IGSF9B: variants seen among roughly 807,000 people sequenced by gnomAD.
IGSF9B encodes immunoglobulin superfamily member 9B.
In IGSF9B, 48 loss-of-function variants were observed where a neutral mutation model predicts 143.7. The ratio of observed to expected loss-of-function variants is 0.33; its 90% CI spans 0.26 to 0.42. IGSF9B has a LOEUF of 0.42. Among genes scored for constraint, IGSF9B ranks in the 20% least tolerant of loss-of-function variants. IGSF9B has a pLI of 1.00. For missense variants in IGSF9B, 1,706 were observed against 1,980.0 expected, an observed-to-expected ratio of 0.86 and a Z score of 2.63; for synonymous variants, 903 against 833.1, an observed-to-expected ratio of 1.08 and a Z score of -1.44.
intron 3 of IGSF9B, among the ~76,000 whole-genome samples, chr11:133,940,634 G>T (rs1283134983): frequency 8.3e-6 from 1 of 120,942 alleles, no homozygotes; most frequent in Non-Finnish European, 1.6e-5. Flanking sequence ...GCACGTCCTC[G>T]CACGCGTCAT....
rs988572845 is a variant in IGSF9B, at chr11:133,907,610, C to G, written c.*1459G>C. Among the ~76,000 whole-genome samples the G allele has an allele frequency of 6.6e-6, 1 of 152,242 alleles. No homozygotes were observed. Among genetic ancestry groups the G allele is most frequent in the African/African-American group, 2.4e-5 (1 of 41,474 alleles). ...CTTGGGCAGCACCATATCTTACCGG[C>G]AGAGAGACATCTTAGTGGGAAGATG... On this transcript the variant is annotated 3_prime_UTR_variant, in exon 20 of 20. Transcript: ENST00000533871.
chr11:133,937,484 C>G lies in IGSF9B; in HGVS notation c.571G>C (p.Gly191Arg), dbSNP rs780960492. The change falls in exon 5 of 20, where the codon GGC becomes CGC. Residue 191 changes from glycine (G) to arginine (R), a missense_variant. By Grantham distance (125) the Gly-to-Arg change is moderately radical. Transcript: ENST00000533871. The stretch of plus-strand genomic sequence containing the variant: ...CTGACCGATGTCACTGTCAGGCTGC[C>G]GTCACTCACCTGGGAGCCCAAAACA... ...GASGKYQVSD[G>R]SLTVTSVSRE... The G allele has an allele frequency of 6.2e-7, 1 of 1,613,446 alleles. No individual in the cohort carries two copies. Among genetic ancestry groups the G allele is most frequent in the Non-Finnish European group, 8.5e-7 (1 of 1,179,596 alleles).
rs201741561 is a variant in IGSF9B, at chr11:133,920,002, C to G, written c.3723G>C (p.Pro1241=). 1.9e-6 allele frequency: 3 copies of G among 1,580,894 alleles called. No homozygotes were observed. Among genetic ancestry groups the G allele is most frequent in the African/African-American group, 1.4e-5 (1 of 73,538 alleles). The stretch of plus-strand genomic sequence containing the variant: ...TTCGAGAAAAGCTGACTGCAGCCGG[C>G]GGCTGCAGGGTGATCTCTGACATCT... The part of the protein sequence containing the change: ...QAEMSEITLQ[P]PAAVSFSRKS... Residue 1241 remains proline (P), a synonymous_variant, in exon 18 of 20, where the codon CCG becomes CCC. Transcript: ENST00000533871.
intron 19 of IGSF9B, among the ~76,000 whole-genome samples, chr11:133,910,115 C>T (rs1939277427): frequency 6.6e-6 from 1 of 152,144 alleles, no homozygotes; most frequent in African/African-American, 2.4e-5. Context: ...ACAGGCAGGG[C>T]ATCTAGGAGC....
At chr11:133,937,707 T>C (rs1393280753) in intron 4 of IGSF9B, 103 bp downstream of exon 4, 19 of 1,390,988 alleles carry the variant, frequency 1.4e-5, no homozygotes, top group Non-Finnish European at 1.9e-5. Flanking sequence ...TCCAGCCTCC[T>C]CTGTGCTTGT....
At chr11:133,937,353 G>C in intron 5 of IGSF9B, 23 bp downstream of exon 5, 3 of 1,562,542 alleles carry the variant, frequency 1.9e-6, no homozygotes, top group Non-Finnish European at 2.6e-6. Flanking sequence ...CAGGGTTAAA[G>C]AGGCTGAGGA....
rs755622090 is a variant in IGSF9B at position 133,925,763 on chromosome 11, C to G, written c.2010G>C (p.Glu670Asp). ...LDDGIPGTEG[E>D]FFAKDLSQDT... is the part of the protein sequence containing the mutation. ...CCTGTGACAGATCCTTGGCAAAGAA[C>G]TCTCCTTCGGTGCCGGGGATGCCAT... is the stretch of plus-strand genomic sequence containing the variant. Residue 670 changes from glutamate to aspartate, a missense_variant, in exon 14 of 20, where the codon GAG becomes GAC. Physicochemically the swap from Glu to Asp is conservative, Grantham distance 45. Coordinates refer to ENST00000533871, the MANE Select transcript of IGSF9B (RefSeq NM_001277285.4). The G allele has an allele frequency of 5.6e-6, 9 of 1,613,560 alleles. No homozygotes were observed. The Admixed American group carries it at 1.5e-4, about 27-fold the overall frequency.
rs1035058016 is a variant in IGSF9B, at chr11:133,904,986, C to G, written c.*4083G>C. Among the ~76,000 whole-genome samples the G allele has an allele frequency of 2.0e-5, 3 of 150,338 alleles. No homozygotes were observed. Among genetic ancestry groups the G allele is most frequent in the Non-Finnish European group, 4.4e-5 (3 of 67,756 alleles). ...ACTTTATATGAAGAAGATACCCAGG[C>G]AGGGCTGGGTTAGAAGCCCCGGTGG... On this transcript the variant is annotated 3_prime_UTR_variant, in exon 20 of 20. Coordinates refer to ENST00000533871, the MANE Select transcript of IGSF9B (RefSeq NM_001277285.4).
chr11:133,934,183 A>G (rs1939782113), intron 7 of IGSF9B, among the ~76,000 whole-genome samples: 1 of 152,140 alleles, frequency 6.6e-6, no homozygotes. Context: ...GAGACAGGGA[A>G]AACCAAAACA....
chr11:133,943,088 A>G (rs1293536879), intron 3 of IGSF9B, among the ~76,000 whole-genome samples: 1 of 152,130 alleles, frequency 6.6e-6, no homozygotes, highest in Non-Finnish European at 1.5e-5. Flanking sequence ...GAGCAGATAA[A>G]AACTGAGAGA....
intron 18 of IGSF9B, among the ~76,000 whole-genome samples, chr11:133,914,979 C>T (rs1020202137): frequency 2.0e-5 from 3 of 152,178 alleles, no homozygotes; most frequent in African/African-American, 7.2e-5. Context: ...GAAGCAACTC[C>T]ATCCTATCCC....
intron 18 of IGSF9B, among the ~76,000 whole-genome samples, chr11:133,918,739 C>T (rs1291276464): frequency 6.6e-6 from 1 of 150,866 alleles, no homozygotes; most frequent in Non-Finnish European, 1.5e-5. Context: ...GGCCAGCCTC[C>T]TCTGGAACTC....
At chr11:133,914,322 A>G (rs1209576870) in intron 18 of IGSF9B, among the ~76,000 whole-genome samples, 1 of 152,098 alleles carries the variant, frequency 6.6e-6, no homozygotes, top group African/African-American at 2.4e-5. Context: ...TCACCTCTCC[A>G]CTGCCCTTCC....
rs1939235476 is a variant in IGSF9B at position 133,907,945 on chromosome 11, G to A, written c.*1124C>T. On this transcript the variant is annotated 3_prime_UTR_variant, in exon 20 of 20. Transcript: ENST00000533871. ...AAGCCACAGGCGGCTCCGCACAAGT[G>A]GTAATTAATCAATCTGGAGAATTAG... 6.6e-6 allele frequency among the ~76,000 whole-genome samples: 1 copy of A among 152,214 alleles called. No homozygotes were observed. The highest frequency in any genetic ancestry group is 6.5e-5 in the Admixed American group (1 of 15,288).
At chr11:133,932,981 G>A (rs1939761854) in intron 7 of IGSF9B, among the ~76,000 whole-genome samples, 1 of 141,210 alleles carries the variant, frequency 7.1e-6, no homozygotes, top group Non-Finnish European at 1.6e-5. Flanking sequence ...GGGAAGCCAG[G>A]TGGGAGAGCA....
At chr11:133,950,122 G>A (rs1478666887) in intron 1 of IGSF9B, among the ~76,000 whole-genome samples, 2 of 152,196 alleles carry the variant, frequency 1.3e-5, no homozygotes, top group African/African-American at 2.4e-5. Context: ...GTCCAGGGCT[G>A]CCGTTGGACC....
intron 1 of IGSF9B, among the ~76,000 whole-genome samples, chr11:133,951,390 G>A (rs569189840): frequency 2.0e-5 from 3 of 152,292 alleles, no homozygotes; most frequent in South Asian, 4.1e-4. Flanking sequence ...TCTCAGGTTC[G>A]GAAGCCACGG....
Position 133,921,039 on chromosome 11 carries a change from TCTC to T in IGSF9B, c.2683_2685del (p.Glu895del). The T allele has an allele frequency of 1.2e-6, 2 of 1,613,692 alleles. No homozygotes were observed. The highest frequency in any genetic ancestry group is 2.2e-5 in the East Asian group (1 of 44,856). Reference sequence around the variant, plus strand: ...GATGTGGGCACCAGTGGGTCCTCGTTCTCCTCGTCCGACTGGCGGAACTCGGGG... The same window carrying T: ...GATGTGGGCACCAGTGGGTCCTCGTTCTCGTCCGACTGGCGGAACTCGGGG... On this transcript the variant is annotated inframe_deletion, in exon 18 of 20. Coordinates refer to ENST00000533871, the MANE Select transcript of IGSF9B (RefSeq NM_001277285.4).
At chr11:133,914,320 C>T (rs1939344912) in intron 18 of IGSF9B, among the ~76,000 whole-genome samples, 1 of 152,136 alleles carries the variant, frequency 6.6e-6, no homozygotes. Flanking sequence ...GCTCACCTCT[C>T]CACTGCCCTT....
Sources: allele counts gnomAD v4.1 joint callset (sites outside exome capture counted in the v4.1 genomes callset), GRCh38; gene constraint gnomAD v4.1.1; transcripts MANE v1.5; gene names NCBI Gene and HGNC (gene_info 2026-07-23, HGNC 2026-07-21).